Variants in STARD13 observed in about 807,000 individuals in gnomAD.
STARD13 encodes the protein StAR related lipid transfer domain containing 13, also known as stAR-related lipid transfer protein 13.
In STARD13, 62 loss-of-function variants were observed where a neutral mutation model predicts 106.4. The observed-to-expected ratio is 0.58, with a 90% confidence interval of 0.48 to 0.72. The LOEUF (loss-of-function observed/expected upper bound fraction) is 0.72, where lower values mean the gene tolerates loss of function less well. STARD13 is among the 30% of genes least tolerant of loss of function. The pLI is 0.00. For missense variants in STARD13, 1,387 were observed against 1,424.0 expected (o/e 0.97, Z 0.42); for synonymous variants, 565 against 553.0 (o/e 1.02, Z -0.31).
the STARD13 span, among the ~76,000 whole-genome samples, chr13:33,608,940 G>C: frequency 2.6e-5 from 4 of 151,632 alleles, no homozygotes; most frequent in African/African-American, 9.7e-5. Flanking sequence ...CAAAAAATTA[G>C]CCGGGCGTGG....
At chr13:33,119,916 AAAGCAT>A (rs1379475838) in intron 7 of STARD13, among the ~76,000 whole-genome samples, 1 of 152,244 alleles carries the variant, frequency 6.6e-6, no homozygotes, top group Non-Finnish European at 1.5e-5. Context: ...GCATGGAAAG[AAAGCAT>A]GTACTGTCAA....
At chr13:33,545,275 T>G in the STARD13 span, among the ~76,000 whole-genome samples, 1 of 151,932 alleles carries the variant, frequency 6.6e-6, no homozygotes, top group Non-Finnish European at 1.5e-5. Context: ...TTTTGTATTT[T>G]TAGTAGAGAC....
the STARD13 span, among the ~76,000 whole-genome samples, chr13:33,556,455 A>AT: frequency 1.3e-5 from 2 of 151,760 alleles, no homozygotes; most frequent in East Asian, 3.9e-4. Flanking sequence ...ATTCTTTTTT[A>AT]TTTTTTGTAG....
chr13:33,245,818 G>A (rs922541678), intron 1 of STARD13, among the ~76,000 whole-genome samples: 1 of 152,078 alleles, frequency 6.6e-6, no homozygotes, highest in Non-Finnish European at 1.5e-5. Flanking sequence ...ATACATTTTT[G>A]TTTCTAAAAT....
chr13:33,481,449 G>T, the STARD13 span, among the ~76,000 whole-genome samples: 1 of 152,286 alleles, frequency 6.6e-6, no homozygotes, highest in Non-Finnish European at 1.5e-5. Flanking sequence ...CAGTCTATTT[G>T]TGCTTTTAGA....
chr13:33,653,455 C>T, the STARD13 span, among the ~76,000 whole-genome samples: 1 of 152,068 alleles, frequency 6.6e-6, no homozygotes, highest in Non-Finnish European at 1.5e-5. Flanking sequence ...ACAAATGATG[C>T]TGAGACAACT....
At chr13:33,323,186 T>C (rs2138535154) in intron 1 of STARD13, among the ~76,000 whole-genome samples, 1 of 152,312 alleles carries the variant, frequency 6.6e-6, no homozygotes, top group Non-Finnish European at 1.5e-5. Flanking sequence ...CCACTGATTC[T>C]CTGAGCTCCA....
chr13:33,546,524 A>T, the STARD13 span, among the ~76,000 whole-genome samples: 1 of 152,136 alleles, frequency 6.6e-6, no homozygotes, highest in South Asian at 2.1e-4. Flanking sequence ...TAAATCTCAA[A>T]CTGCCTATAA....
the STARD13 span, among the ~76,000 whole-genome samples, chr13:33,463,080 C>A: frequency 6.6e-6 from 1 of 152,164 alleles, no homozygotes; most frequent in African/African-American, 2.4e-5. Flanking sequence ...AAATAGTTTG[C>A]AAATCTCTGG....
the STARD13 span, chr13:33,439,807 A>C: frequency 4.4e-6 from 3 of 689,216 alleles, no homozygotes; most frequent in Non-Finnish European, 6.3e-6. Flanking sequence ...AAAAAATAAG[A>C]TTGTAAAATT....
At chr13:33,505,466 A>G in the STARD13 span, among the ~76,000 whole-genome samples, 1 of 152,164 alleles carries the variant, frequency 6.6e-6, no homozygotes, top group African/African-American at 2.4e-5. Context: ...TATAAGCCAG[A>G]AAAATTATAT....
the STARD13 span, among the ~76,000 whole-genome samples, chr13:33,461,723 T>A: frequency 0.3 from 45,767 of 152,030 alleles, 7,632 homozygotes; most frequent in Non-Finnish European, 0.39. Context: ...ATAGAGATGA[T>A]ATATATGAAT....
chr13:33,562,064 G>A, the STARD13 span, among the ~76,000 whole-genome samples: 2 of 146,346 alleles, frequency 1.4e-5, no homozygotes, highest in African/African-American at 5.1e-5. Flanking sequence ...AATGTTACTT[G>A]GTTGATTCTG....
At chr13:33,649,281 G>GT in the STARD13 span, among the ~76,000 whole-genome samples, 932 of 152,158 alleles carry the variant, frequency 6.1e-3, 10 homozygotes, top group African/African-American at 0.021. Context: ...CACAGTTATT[G>GT]TTTTTTCAGT....
At chr13:33,228,765 T>C (rs1021292442) in intron 1 of STARD13, among the ~76,000 whole-genome samples, 1 of 152,166 alleles carries the variant, frequency 6.6e-6, no homozygotes, top group African/African-American at 2.4e-5. Context: ...GTGAAGAGCT[T>C]TTTTCCCCCA....
chr13:33,159,095 G>A (rs946816602), intron 3 of STARD13, among the ~76,000 whole-genome samples: 16 of 152,002 alleles, frequency 1.1e-4, no homozygotes, highest in African/African-American at 1.4e-4. Context: ...TATACAAGCC[G>A]GGCCCTTATC....
chr13:33,239,916 T>G (rs893653808), intron 1 of STARD13, among the ~76,000 whole-genome samples: 19 of 152,196 alleles, frequency 1.2e-4, no homozygotes, highest in African/African-American at 4.3e-4. Flanking sequence ...CATTTGTCTA[T>G]TTTTGCTTTG....
At position 33,118,167 on chromosome 13, in the gene STARD13, A is replaced by T. The variant is rs761566535; in HGVS notation, c.2179T>A (p.Ser727Thr). The change falls in exon 8 of 14, where the codon TCT becomes ACT. Residue 727 changes from serine (S) to threonine (T), a missense_variant. Ser to Thr is a moderately conservative substitution (Grantham distance 58). Transcript: ENST00000336934. ...ACCATATCCGCCACATCATAAGCAG[A>T]CTGGTCTTCATAGTTGACGTTCTCA... is the stretch of plus-strand genomic sequence containing the variant. ...FPENVNYEDQSAYDVADMVKQ... is the reference protein window; with the variant it reads ...FPENVNYEDQTAYDVADMVKQ... The T allele has an allele frequency of 4.5e-5, 72 of 1,614,064 alleles. No individual in the cohort carries two copies. Among genetic ancestry groups the T allele is most frequent in the Non-Finnish European group, 4.9e-5 (58 of 1,180,036 alleles).
intron 1 of STARD13, chr13:33,281,344 AAGTT>A (rs1454789367): frequency 6.6e-6 from 1 of 152,028 alleles, no homozygotes; most frequent in African/African-American, 2.4e-5. Context: ...ATAGTGTGAT[AAGTT>A]CTTTCACAAA....
Sources: allele counts gnomAD v4.1 joint callset (sites outside exome capture counted in the v4.1 genomes callset), GRCh38; gene constraint gnomAD v4.1.1; transcripts MANE v1.5; gene names NCBI Gene and HGNC (gene_info 2026-07-23, HGNC 2026-07-21).